STXBP5L: variants seen among roughly 807,000 people sequenced by gnomAD.
The protein encoded by STXBP5L is syntaxin-binding protein 5-like.
STXBP5L carries 65 observed loss-of-function variants against 144.5 expected under a neutral mutation model. The observed-to-expected ratio is 0.45, with a 90% CI of 0.37 to 0.55. STXBP5L has a LOEUF of 0.55. Among genes scored for constraint, STXBP5L ranks in the 20% least tolerant of loss-of-function variants. STXBP5L has a pLI of 0.00. For synonymous variants in STXBP5L, 505 were observed against 469.6 expected (o/e 1.08, Z -0.97); for missense variants, 1,298 against 1,405.5 (o/e 0.92, Z 1.22).
Position 121,133,812 on chromosome 3 carries a change from A to C in STXBP5L, c.669+12108A>C, listed in dbSNP as rs114170579. The stretch of plus-strand genomic sequence containing the variant: ...CTTACAATCATGGCGCAAGGCAAAG[A>C]GGAAGCAAGGCATGTCTTACATGGT... On this transcript the variant is annotated intron_variant, in intron 7 of 26. Coordinates refer to ENST00000471454, the MANE Select transcript of STXBP5L (RefSeq NM_001308330.2). 2.2e-3 allele frequency among the ~76,000 whole-genome samples: 341 copies of C among 152,258 alleles called. 2 individuals are homozygous for C. The highest frequency in any genetic ancestry group is 3.9e-3 in the Non-Finnish European group (263 of 68,012).
At chr3:121,383,636 A>G (rs2046365956) in intron 22 of STXBP5L, among the ~76,000 whole-genome samples, 1 of 152,138 alleles carries the variant, frequency 6.6e-6, no homozygotes, top group African/African-American at 2.4e-5. Flanking sequence ...CCATTACAAG[A>G]AAGAAAGTCT....
chr3:121,028,607 A>G (rs558525592), intron 3 of STXBP5L, among the ~76,000 whole-genome samples: 1 of 152,264 alleles, frequency 6.6e-6, no homozygotes, highest in Non-Finnish European at 1.5e-5. Flanking sequence ...TTATATTTAC[A>G]GTCAGTTTTC....
intron 5 of STXBP5L, among the ~76,000 whole-genome samples, chr3:121,098,305 G>A (rs1343827181): frequency 6.6e-6 from 1 of 152,174 alleles, no homozygotes; most frequent in Admixed American, 6.5e-5. Flanking sequence ...TACAATCATG[G>A]TGGAAGGAGA....
intron 20 of STXBP5L, among the ~76,000 whole-genome samples, chr3:121,367,526 G>T (rs553946996): frequency 1.3e-5 from 2 of 149,304 alleles, no homozygotes; most frequent in South Asian, 2.1e-4. Context: ...TCTTATTAAG[G>T]ATGCCTTGTA....
chr3:121,228,993 C>G (rs182994487), intron 11 of STXBP5L, among the ~76,000 whole-genome samples: 1 of 152,264 alleles, frequency 6.6e-6, no homozygotes, highest in East Asian at 1.9e-4. Flanking sequence ...TTTAGAAAGA[C>G]TGTCACAAAT....
intron 5 of STXBP5L, among the ~76,000 whole-genome samples, chr3:121,049,105 G>A (rs777971325): frequency 3.3e-5 from 5 of 152,058 alleles, no homozygotes; most frequent in Non-Finnish European, 7.4e-5. Context: ...AGAGACCCCG[G>A]TAGGGAGACA....
intron 18 of STXBP5L, among the ~76,000 whole-genome samples, chr3:121,273,621 A>G (rs2050792382): frequency 6.6e-6 from 1 of 151,824 alleles, no homozygotes; most frequent in South Asian, 2.1e-4. Context: ...CTTCCTCTGA[A>G]TCTCCCATAA....
In STXBP5L at chr3:121,005,420, C is replaced by T. The variant is rs567496908; in HGVS notation, c.288-36280C>T. Among the ~76,000 whole-genome samples the T allele has an allele frequency of 7.9e-5, 12 of 152,060 alleles. No individual in the cohort carries two copies. In the East Asian group the frequency reaches 1.9e-3, roughly 24 times the overall value. Reference sequence around the variant, plus strand: ...ATATCCCCTTTATCATGTTTTATTGCGTCTATTTGATTCTTCTCTCTTTTC... The same window carrying T: ...ATATCCCCTTTATCATGTTTTATTGTGTCTATTTGATTCTTCTCTCTTTTC... On this transcript the variant is annotated intron_variant, in intron 3 of 26. Transcript: ENST00000471454.
intron 11 of STXBP5L, among the ~76,000 whole-genome samples, chr3:121,227,537 G>T (rs546409942): frequency 3.1e-4 from 47 of 152,148 alleles, no homozygotes; most frequent in Non-Finnish European, 5.9e-4. Context: ...ATCTATGATT[G>T]CACCACTGTA....
At chr3:121,281,871 T>G (rs971693855) in intron 19 of STXBP5L, among the ~76,000 whole-genome samples, 8 of 151,856 alleles carry the variant, frequency 5.3e-5, no homozygotes, top group Non-Finnish European at 8.8e-5. Flanking sequence ...TGCTGAAGGA[T>G]TAAAGACAAT....
intron 3 of STXBP5L, among the ~76,000 whole-genome samples, chr3:120,992,833 G>A (rs1218808266): frequency 1.3e-5 from 2 of 151,964 alleles, no homozygotes; most frequent in Admixed American, 6.6e-5. Context: ...GTAGAATGCT[G>A]GATAATATGG....
intron 20 of STXBP5L, among the ~76,000 whole-genome samples, chr3:121,328,098 A>T (rs949133302): frequency 6.6e-6 from 1 of 152,216 alleles, no homozygotes; most frequent in South Asian, 2.1e-4. Flanking sequence ...TATACAATTG[A>T]AGGCTTTATC....
At chr3:121,349,115 A>G (rs1188544037) in intron 20 of STXBP5L, among the ~76,000 whole-genome samples, 1 of 152,042 alleles carries the variant, frequency 6.6e-6, no homozygotes, top group Non-Finnish European at 1.5e-5. Context: ...ATTTCCCTCT[A>G]CACACTGCTT....
At chr3:121,059,737 A>G (rs555788489) in intron 5 of STXBP5L, among the ~76,000 whole-genome samples, 88 of 152,302 alleles carry the variant, frequency 5.8e-4, no homozygotes, top group African/African-American at 2.0e-3. Flanking sequence ...GTTAGTAGCA[A>G]TGGTGAATGG....
At chr3:120,912,260 C>CA (rs1251372763) in intron 2 of STXBP5L, among the ~76,000 whole-genome samples, 1 of 151,882 alleles carries the variant, frequency 6.6e-6, no homozygotes, top group Non-Finnish European at 1.5e-5. Context: ...TTCTGAAATA[C>CA]AATGTTAATT....
intron 12 of STXBP5L, among the ~76,000 whole-genome samples, chr3:121,237,585 A>T (rs2049522561): frequency 6.6e-6 from 1 of 152,148 alleles, no homozygotes; most frequent in African/African-American, 2.4e-5. Flanking sequence ...CCTCTCCTGA[A>T]AACACTCTTT....
chr3:120,957,740 C>T (rs1248034041), intron 3 of STXBP5L, among the ~76,000 whole-genome samples: 1 of 152,066 alleles, frequency 6.6e-6, no homozygotes, highest in East Asian at 1.9e-4. Context: ...ACCAGGATCT[C>T]TGGGACACAT....
intron 22 of STXBP5L, among the ~76,000 whole-genome samples, chr3:121,387,596 A>G (rs533905378): frequency 4.6e-5 from 7 of 152,256 alleles, no homozygotes; most frequent in African/African-American, 1.7e-4. Flanking sequence ...GTGTAAGGAA[A>G]GGATTCAGTT....
chr3:120,975,418 G>T (rs1041554885), intron 3 of STXBP5L, among the ~76,000 whole-genome samples: 1 of 152,148 alleles, frequency 6.6e-6, no homozygotes, highest in African/African-American at 2.4e-5. Flanking sequence ...TGCTGAAGTT[G>T]CTTATCAGCT....
Sources: gnomAD v4.1 joint callset for allele counts (sites outside exome capture counted in the v4.1 genomes callset) on GRCh38, gnomAD v4.1.1 for gene constraint, MANE v1.5 for transcripts, NCBI Gene and HGNC (gene_info 2026-07-23, HGNC 2026-07-21) for gene names.